HACE1: variants seen among roughly 807,000 people sequenced by gnomAD.
The protein encoded by HACE1 is HECT domain and ankyrin repeat containing E3 ubiquitin protein ligase 1.
In HACE1, 73 loss-of-function variants were observed where a neutral mutation model predicts 118.4. That is an observed-to-expected ratio of 0.62 (90% CI 0.51 to 0.75). HACE1 has a LOEUF of 0.75. HACE1 is among the 30% of genes least tolerant of loss of function. The pLI, the probability that HACE1 is intolerant of heterozygous loss-of-function variation, is 0.00. For synonymous variants in HACE1, 368 were observed against 374.8 expected, an observed-to-expected ratio of 0.98 and a Z score of 0.21; for missense variants, 749 against 1,102.2, an observed-to-expected ratio of 0.68 and a Z score of 4.54.
rs1044423010 is a variant in HACE1, at chr6:104,729,489, G to A, written c.*173C>T. On this transcript the variant is annotated 3_prime_UTR_variant, in exon 24 of 24. Transcript: ENST00000262903. ...ATTTTCTAATTGTATCACAAACAGA[G>A]AAAACATAAAAGGGAAAAGAGAGAA... 3.2e-6 allele frequency: 2 copies of A among 620,698 alleles called. No homozygotes were observed. The highest frequency in any genetic ancestry group is 3.7e-5 in the African/African-American group (2 of 54,170). The allele number at this position is 620,698 out of a possible 1,614,324, so 38.4% of individuals were successfully genotyped here.
At chr6:104,820,040 C>G (rs1054202746) in intron 6 of HACE1, among the ~76,000 whole-genome samples, 3 of 151,782 alleles carry the variant, frequency 2.0e-5, no homozygotes, top group African/African-American at 7.3e-5. Context: ...ACTAAAAATA[C>G]AAAAATTAGC....
At chr6:104,730,873 T>G (rs1478576844) in intron 22 of HACE1, 1 of 156,094 alleles carries the variant, frequency 6.4e-6, no homozygotes, top group Admixed American at 6.3e-5. Context: ...CTCTGACATG[T>G]AATCCAAATG....
intron 7 of HACE1, among the ~76,000 whole-genome samples, chr6:104,803,079 T>C (rs1770568590): frequency 6.6e-6 from 1 of 152,084 alleles, no homozygotes; most frequent in Non-Finnish European, 1.5e-5. Flanking sequence ...GAGAATACTA[T>C]AAACACCTCT....
At chr6:104,766,769 G>A (rs1780055269) in intron 19 of HACE1, 1 of 152,162 alleles carries the variant, frequency 6.6e-6, no homozygotes, top group African/African-American at 2.4e-5. Context: ...GTGCCCTCGG[G>A]CAGTTATTTA....
chr6:104,828,517 A>C (rs9391246), intron 6 of HACE1, among the ~76,000 whole-genome samples: 29,093 of 151,838 alleles, frequency 0.19, 2,857 homozygotes, highest in East Asian at 0.26. Flanking sequence ...ATGGAGTTTA[A>C]CAGTTGATCT....
intron 1 of HACE1, among the ~76,000 whole-genome samples, chr6:104,858,810 C>T (rs189974047): frequency 2.6e-5 from 4 of 152,166 alleles, no homozygotes; most frequent in African/African-American, 7.2e-5. Flanking sequence ...GAATTCCTGA[C>T]GCTGCAAACA....
At chr6:104,832,758 G>A (rs1774135567) in intron 6 of HACE1, among the ~76,000 whole-genome samples, 1 of 151,974 alleles carries the variant, frequency 6.6e-6, no homozygotes, top group Non-Finnish European at 1.5e-5. Flanking sequence ...TATGGGCCAG[G>A]TGCAGTGGTT....
At chr6:104,749,036 A>G (rs1165477571) in intron 20 of HACE1, among the ~76,000 whole-genome samples, 1 of 152,178 alleles carries the variant, frequency 6.6e-6, no homozygotes, top group Non-Finnish European at 1.5e-5. Context: ...CATGTATATC[A>G]TAACCCAAAG....
intron 9 of HACE1, among the ~76,000 whole-genome samples, chr6:104,796,169 G>C (rs1206559170): frequency 2.0e-5 from 3 of 152,136 alleles, no homozygotes; most frequent in Non-Finnish European, 4.4e-5. Flanking sequence ...AGTGGGCAGT[G>C]ACATGATCTC....
In HACE1 at chr6:104,744,723, T is replaced by G. The variant is rs1361085594; in HGVS notation, c.2344-113A>C. Reference sequence around the variant, plus strand: ...CTAATCCCATGTAAAACTGATATATTTTTGTGACAGTTCCTGCATGTCATC... The same window carrying G: ...CTAATCCCATGTAAAACTGATATATGTTTGTGACAGTTCCTGCATGTCATC... On this transcript the variant is annotated intron_variant, in intron 20 of 23. Coordinates refer to ENST00000262903, the MANE Select transcript of HACE1 (RefSeq NM_020771.4). 6 of 687,594 alleles carry G rather than the reference T, an allele frequency of 8.7e-6. No homozygotes were observed. In the Admixed American group the frequency reaches 1.3e-4, roughly 15 times the overall value. The allele number at this position is 687,594 out of a possible 1,614,324, so 42.6% of individuals were successfully genotyped here. A position where few individuals can be genotyped will look rare whatever the true frequency, so the allele number is the denominator to read the frequency against.
In HACE1 at chr6:104,770,065, C is replaced by T. The variant is rs577991994; in HGVS notation, c.2211+1128G>A. 2.0e-5 allele frequency among the ~76,000 whole-genome samples: 3 copies of T among 152,136 alleles called. No individual in the cohort carries two copies. In the East Asian group the frequency reaches 5.8e-4, roughly 29 times the overall value. ...TTCCAATTCTACAGAAAACTGAGTTCGAAGAATTGTTAAACATAACCCTTT... is the reference window on the plus strand; with the variant it reads ...TTCCAATTCTACAGAAAACTGAGTTTGAAGAATTGTTAAACATAACCCTTT... On this transcript the variant is annotated intron_variant, in intron 19 of 23. Coordinates refer to ENST00000262903, the MANE Select transcript of HACE1 (RefSeq NM_020771.4).
At chr6:104,811,491 A>C in intron 6 of HACE1, 98 bp from the exon 7 acceptor site, 1 of 650,776 alleles carries the variant, frequency 1.5e-6, no homozygotes, top group Non-Finnish European at 2.9e-6. Flanking sequence ...TCTTCCCACA[A>C]CTTGAAGCTT....
rs141061092 is a variant in HACE1 at position 104,728,504 on chromosome 6, T to C, written c.*1158A>G. ...AATTTAGCAAAACTTTCAACTTACA[T>C]GTCTCTCAAACATTACTGGCAAACA... is the stretch of plus-strand genomic sequence containing the variant. On this transcript the variant is annotated 3_prime_UTR_variant, in exon 24 of 24. Transcript: ENST00000262903. 16 of 152,326 alleles carry C rather than the reference T, an allele frequency of 1.1e-4. No individual in the cohort carries two copies. Among genetic ancestry groups the C allele is most frequent in the African/African-American group, 3.8e-4 (16 of 41,578 alleles). The allele number at this position is 152,326 out of a possible 1,614,324, so 9.4% of individuals were successfully genotyped here.
intron 7 of HACE1, among the ~76,000 whole-genome samples, chr6:104,798,301 T>A (rs370756545): frequency 8.5e-5 from 13 of 152,098 alleles, no homozygotes; most frequent in African/African-American, 3.1e-4. Context: ...ACTACACAGA[T>A]TTCTCAGAAA....
At chr6:104,733,183 A>G (rs547481955) in intron 22 of HACE1, among the ~76,000 whole-genome samples, 3 of 152,328 alleles carry the variant, frequency 2.0e-5, no homozygotes, top group African/African-American at 7.2e-5. Flanking sequence ...TGAGAAAATA[A>G]ATGTTGACAT....
intron 22 of HACE1, among the ~76,000 whole-genome samples, chr6:104,736,112 C>T (rs966115893): frequency 1.2e-4 from 18 of 151,400 alleles, no homozygotes; most frequent in Non-Finnish European, 2.4e-4. Flanking sequence ...AAATTATCAA[C>T]TTTCTTACAT....
chr6:104,738,262 T>G (rs1408159443), intron 22 of HACE1, among the ~76,000 whole-genome samples: 69 of 149,314 alleles, frequency 4.6e-4, no homozygotes, highest in African/African-American at 1.6e-3. Context: ...GCAGAGTGCC[T>G]CTCCTCCTCC....
chr6:104,780,394 GA>G, intron 14 of HACE1: 1 of 442,574 alleles, frequency 2.3e-6, no homozygotes, highest in Non-Finnish European at 4.5e-6. Flanking sequence ...ACTGATTATA[GA>G]GGCTCCTCTT....
chr6:104,775,687 C>T (rs748506476), intron 17 of HACE1, among the ~76,000 whole-genome samples: 33 of 152,286 alleles, frequency 2.2e-4, no homozygotes, highest in Middle Eastern at 3.4e-3. Context: ...AGAGTTAAAG[C>T]AGGCAGTTCC....
Sources: allele counts gnomAD v4.1 joint callset (sites outside exome capture counted in the v4.1 genomes callset), GRCh38; gene constraint gnomAD v4.1.1; transcripts MANE v1.5; gene names NCBI Gene and HGNC (gene_info 2026-07-23, HGNC 2026-07-21).